AGBL1: variants seen among roughly 807,000 people sequenced by gnomAD.
The protein encoded by AGBL1 is AGBL carboxypeptidase 1.
In AGBL1, 130 loss-of-function variants were observed where a neutral mutation model predicts 118.9. The ratio of observed to expected loss-of-function variants is 1.09; its 90% CI spans 0.95 to 1.26. The LOEUF (loss-of-function observed/expected upper bound fraction) is 1.26, where lower values mean the gene tolerates loss of function less well. AGBL1 is among the 50% of genes most tolerant of loss of function. The pLI is 0.00. For missense variants in AGBL1, 1,584 were observed against 1,298.1 expected (o/e 1.22, Z -3.38); for synonymous variants, 555 against 478.9 (o/e 1.16, Z -2.08).
chr15:86,572,692 C>T (rs1244919000), intron 21 of AGBL1, among the ~76,000 whole-genome samples: 4 of 152,186 alleles, frequency 2.6e-5, no homozygotes, highest in African/African-American at 9.6e-5. Context: ...GTACAGGGCA[C>T]AGGAGTCCGA....
At chr15:86,565,954 C>T (rs1039132969) in intron 21 of AGBL1, among the ~76,000 whole-genome samples, 11 of 152,298 alleles carry the variant, frequency 7.2e-5, no homozygotes, top group Admixed American at 2.6e-4. Context: ...AATCTCCTAG[C>T]GTGCCATTTG....
intron 9 of AGBL1, among the ~76,000 whole-genome samples, chr15:86,261,848 G>T (rs189404239): frequency 6.6e-6 from 1 of 152,038 alleles, no homozygotes; most frequent in East Asian, 1.9e-4. Context: ...AAAGACTCAC[G>T]GTGCCTTGGT....
chr15:86,382,022 C>T (rs929235659), intron 17 of AGBL1, among the ~76,000 whole-genome samples: 2 of 152,170 alleles, frequency 1.3e-5, no homozygotes, highest in South Asian at 2.1e-4. Context: ...GACTTAGTAA[C>T]GCTCTGGGTG....
At chr15:86,726,612 A>T (rs2086822251) in intron 22 of AGBL1, among the ~76,000 whole-genome samples, 2 of 152,324 alleles carry the variant, frequency 1.3e-5, no homozygotes, top group South Asian at 2.1e-4. Flanking sequence ...CCCAAGGTGG[A>T]GTGCAGTGGT....
At chr15:86,314,946 T>G (rs562578169) in intron 17 of AGBL1, among the ~76,000 whole-genome samples, 1 of 152,322 alleles carries the variant, frequency 6.6e-6, no homozygotes, top group East Asian at 1.9e-4. Context: ...GAAAGTGGCT[T>G]AAACTGTCTA....
intron 5 of AGBL1, among the ~76,000 whole-genome samples, chr15:86,184,429 C>CTTTTTTTTTTTTTTTTT (rs199807402): frequency 6.9e-6 from 1 of 144,452 alleles, no homozygotes; most frequent in Non-Finnish European, 1.5e-5. Context: ...TTTCTTTTTT[C>CTTTTTTTTTTTTTTTTT]TTTCTTTTTT....
intron 24 of AGBL1, among the ~76,000 whole-genome samples, chr15:87,023,030 C>G (rs1463065299): frequency 3.3e-5 from 5 of 151,956 alleles, no homozygotes; most frequent in African/African-American, 9.7e-5. Context: ...ATAAATCTCA[C>G]AGGACCTATA....
At chr15:87,012,748 T>C (rs2081574079) in intron 24 of AGBL1, among the ~76,000 whole-genome samples, 1 of 151,700 alleles carries the variant, frequency 6.6e-6, no homozygotes, top group South Asian at 2.1e-4. Flanking sequence ...GCAGACTAGA[T>C]AGGGAGCTAG....
At chr15:86,191,130 G>GGT (rs2141827702) in intron 5 of AGBL1, among the ~76,000 whole-genome samples, 1 of 151,896 alleles carries the variant, frequency 6.6e-6, no homozygotes, top group East Asian at 1.9e-4. Context: ...GATCACCTGA[G>GGT]GTCAGGAGTT....
chr15:86,847,960 G>C (rs1055758891), intron 22 of AGBL1, among the ~76,000 whole-genome samples: 1 of 152,192 alleles, frequency 6.6e-6, no homozygotes, highest in Non-Finnish European at 1.5e-5. Flanking sequence ...GGCTTGCAGA[G>C]AGACTGGTCA....
At chr15:86,159,978 G>A (rs182228431) in intron 5 of AGBL1, among the ~76,000 whole-genome samples, 110 of 152,126 alleles carry the variant, frequency 7.2e-4, no homozygotes, top group Middle Eastern at 3.4e-3. Context: ...GAGAAATACT[G>A]GATTGAATGC....
At chr15:86,886,467 A>C (rs969248319) in intron 22 of AGBL1, among the ~76,000 whole-genome samples, 4 of 152,172 alleles carry the variant, frequency 2.6e-5, no homozygotes, top group Non-Finnish European at 5.9e-5. Context: ...TGGAGTGTAT[A>C]TTTCTCAAGT....
chr15:86,609,131 C>T (rs1378107089), intron 21 of AGBL1, among the ~76,000 whole-genome samples: 1 of 152,098 alleles, frequency 6.6e-6, no homozygotes, highest in Non-Finnish European at 1.5e-5. Context: ...CTGATCCAAC[C>T]CACACAAACC....
chr15:87,007,558 C>T (rs2081517534), intron 24 of AGBL1, among the ~76,000 whole-genome samples: 1 of 151,954 alleles, frequency 6.6e-6, no homozygotes, highest in Admixed American at 6.6e-5. Context: ...TCATAATAGA[C>T]ATGAATAAGA....
Position 86,279,752 on chromosome 15 carries a change from A to G in AGBL1, c.2189A>G (p.Tyr730Cys). Residue 730 changes from tyrosine (Y) to cysteine (C), a missense_variant, in exon 16 of 23, where the codon TAC becomes TGC. Physicochemically the swap from Tyr to Cys is radical, Grantham distance 194. Coordinates refer to ENST00000614907, the MANE Select transcript of AGBL1 (RefSeq NM_001386094.1). ...PHSEDVCYLA[Y>C]HYPYTYTALM... is the part of the protein sequence containing the mutation. ...AGTGAGGATGTCTGCTACCTGGCCTACCACTATCCCTATACCTACACAGCC... is the reference window on the plus strand; with the variant it reads ...AGTGAGGATGTCTGCTACCTGGCCTGCCACTATCCCTATACCTACACAGCC... The G allele has an allele frequency of 6.2e-7, 1 of 1,613,788 alleles. No individual in the cohort carries two copies. Among genetic ancestry groups the G allele is most frequent in the Non-Finnish European group, 8.5e-7 (1 of 1,179,774 alleles).
At chr15:86,094,686 A>T (rs1035970922) in intron 1 of AGBL1, among the ~76,000 whole-genome samples, 5 of 152,184 alleles carry the variant, frequency 3.3e-5, no homozygotes, top group Non-Finnish European at 7.4e-5. Context: ...TCTCCCCTGC[A>T]TCATTGACCA....
intron 1 of AGBL1, among the ~76,000 whole-genome samples, chr15:86,123,428 T>C (rs1450430829): frequency 2.0e-5 from 3 of 152,126 alleles, no homozygotes; most frequent in African/African-American, 7.2e-5. Context: ...TTAGTAGATA[T>C]GGGGTTTTAC....
chr15:86,992,053 G>A (rs905366309), intron 24 of AGBL1, among the ~76,000 whole-genome samples: 15 of 152,138 alleles, frequency 9.9e-5, no homozygotes, highest in Non-Finnish European at 1.0e-4. Flanking sequence ...TGTACAGGAA[G>A]CATGGTGCTG....
At chr15:86,917,085 G>T (rs1242252200), downstream of AGBL1, among the ~76,000 whole-genome samples, 1 of 152,210 alleles carries the variant, frequency 6.6e-6, no homozygotes, top group Non-Finnish European at 1.5e-5. This position sits in a 1 kb window ranked among gnomAD's most constrained non-coding sequence, Gnocchi z 4.8. Flanking sequence ...CATCCACATG[G>T]TTTGGCCTGC....
Sources: gnomAD v4.1 joint callset for allele counts (sites outside exome capture counted in the v4.1 genomes callset) on GRCh38, gnomAD v4.1.1 for gene constraint, Gnocchi (gnomAD v3.1) non-coding constraint, MANE v1.5 for transcripts, NCBI Gene and HGNC (gene_info 2026-07-23, HGNC 2026-07-21) for gene names.